MEPE: variants seen among roughly 807,000 people sequenced by gnomAD.
MEPE encodes the protein matrix extracellular phosphoglycoprotein.
In MEPE, 7 loss-of-function variants were observed where a neutral mutation model predicts 7.3. The ratio of observed to expected loss-of-function variants is 0.95; its 90% CI spans 0.54 to 1.79. MEPE has a LOEUF of 1.79. MEPE is among the 40% of genes most tolerant of loss of function. The pLI is 0.00. For synonymous variants in MEPE, 214 were observed against 213.1 expected (o/e 1.00, Z -0.04); for missense variants, 623 against 628.2 (o/e 0.99, Z 0.09).
rs747338291 is a variant in MEPE, at chr4:87,845,129, A to G, written c.261A>G (p.Gln87=). 25 of 1,613,782 alleles carry G rather than the reference A, an allele frequency of 1.5e-5. No individual in the cohort carries two copies. In the East Asian group the frequency reaches 5.3e-4, roughly 35 times the overall value. The change falls in exon 4 of 4, where the codon CAA becomes CAG. Residue 87 remains glutamine, a synonymous_variant. Coordinates refer to ENST00000361056, the MANE Select transcript of MEPE (RefSeq NM_020203.6). ...ASENKGSSKS[Q]NYFTNRQRLN... ...AGAATAAGGGAAGTAGTAAATCTCA[A>G]AATTATTTCACAAATAGACAGAGAC... is the stretch of plus-strand genomic sequence containing the variant.
intron 1 of MEPE, among the ~76,000 whole-genome samples, chr4:87,825,791 T>C (rs564736080): frequency 6.8e-4 from 104 of 152,302 alleles, no homozygotes; most frequent in African/African-American, 2.1e-3. Flanking sequence ...GCACAGTACC[T>C]CCTATCGCCT....
intron 2 of MEPE, among the ~76,000 whole-genome samples, chr4:87,836,574 A>G (rs750920863): frequency 7.9e-5 from 12 of 152,206 alleles, no homozygotes; most frequent in Admixed American, 4.6e-4. Flanking sequence ...GAAGAGTGAT[A>G]TAATTGTCCA....
chr4:87,845,258 T>A lies in MEPE; in HGVS notation c.390T>A (p.Asp130Glu). 1 of 1,614,026 alleles carries A rather than the reference T, an allele frequency of 6.2e-7. No individual in the cohort carries two copies. Among genetic ancestry groups the A allele is most frequent in the African/African-American group, 1.3e-5 (1 of 75,012 alleles). ...STGNKGFEDG[D>E]DAISKLHDQE... ...GGAATAAAGGGTTTGAGGATGGAGA[T>A]GATGCTATCAGCAAACTACATGACC... is the stretch of plus-strand genomic sequence containing the variant. The change falls in exon 4 of 4, where the codon GAT becomes GAA. Residue 130 changes from aspartate to glutamate, a missense_variant. By Grantham distance (45) the Asp-to-Glu change is conservative (BLOSUM62 2). Transcript: ENST00000361056.
Position 87,846,581 on chromosome 4 carries a change from T to C in MEPE, c.*135T>C. On this transcript the variant is annotated 3_prime_UTR_variant, in exon 4 of 4. Transcript: ENST00000361056. ...GAACTGAGTGAGCCAAGAATCCTGG[T>C]CTCCTTGGGGGAATTTTTGCTATCT... is the stretch of plus-strand genomic sequence containing the variant. 1 of 983,824 alleles carries C rather than the reference T, an allele frequency of 1.0e-6. No homozygotes were observed. The highest frequency in any genetic ancestry group is 2.4e-5 in the East Asian group (1 of 40,870). The allele number at this position is 983,824 out of a possible 1,614,324, so 60.9% of individuals were successfully genotyped here.
chr4:87,829,846 T>A (rs1269434597), upstream of MEPE, among the ~76,000 whole-genome samples: 1 of 150,364 alleles, frequency 6.7e-6, no homozygotes, highest in Non-Finnish European at 1.5e-5. Context: ...TGTTAGCTCC[T>A]TTCTATATCA....
At position 87,846,219 on chromosome 4, in the gene MEPE, A is replaced by C. The variant is rs1410729161; in HGVS notation, c.1351A>C (p.Met451Leu). The C allele has an allele frequency of 6.2e-7, 1 of 1,614,052 alleles. No individual in the cohort carries two copies. Among genetic ancestry groups the C allele is most frequent in the East Asian group, 2.2e-5 (1 of 44,878 alleles). Residue 451 changes from methionine to leucine, a missense_variant, in exon 4 of 4, where the codon ATG (methionine) becomes CTG (leucine). Physicochemically the swap from Met to Leu is conservative, Grantham distance 15. Coordinates refer to ENST00000361056, the MANE Select transcript of MEPE (RefSeq NM_020203.6). ...RGLDNEIKNE[M>L]DSFNGPSHEN... ...TCTTGATAATGAAATCAAAAACGAA[A>C]TGGATTCCTTTAATGGCCCCAGTCA...
chr4:87,845,387 T>C lies in MEPE; in HGVS notation c.519T>C (p.Pro173=). 6.2e-7 allele frequency: 1 copy of C among 1,613,952 alleles called. No homozygotes were observed. Among genetic ancestry groups the C allele is most frequent in the Non-Finnish European group, 8.5e-7 (1 of 1,179,930 alleles). Residue 173 remains proline, a synonymous_variant, in exon 4 of 4, where the codon CCT becomes CCC. Transcript: ENST00000361056. The stretch of plus-strand genomic sequence containing the variant: ...GGGAAGAAAACAAAGAGAACACACC[T>C]AGGAATGTTCTAAACATAATCCCAG... ...LLGEENKENT[P]RNVLNIIPAS... is the part of the protein sequence containing the mutation.
At chr4:87,825,484 C>T (rs1722441264) in intron 1 of MEPE, among the ~76,000 whole-genome samples, 1 of 152,162 alleles carries the variant, frequency 6.6e-6, no homozygotes, top group Non-Finnish European at 1.5e-5. Context: ...AGCTATTCTG[C>T]AATGTGAGGC....
chr4:87,830,978 T>C (rs182046934), upstream of MEPE, among the ~76,000 whole-genome samples: 1 of 152,248 alleles, frequency 6.6e-6, no homozygotes, highest in Non-Finnish European at 1.5e-5. Context: ...AATCTTATTA[T>C]ATATCATTTG....
Position 87,845,432 on chromosome 4 carries a change from A to G in MEPE, c.564A>G (p.Lys188=). ...TCCCAGCAAGTATGAATTATGCTAA[A>G]GCACACTCGAAGGATAAAAAGAAGC... The part of the protein sequence containing the change: ...NIIPASMNYA[K]AHSKDKKKPQ... Residue 188 remains lysine, a synonymous_variant, in exon 4 of 4, where the codon AAA becomes AAG. Coordinates refer to ENST00000361056, the MANE Select transcript of MEPE (RefSeq NM_020203.6). 1 of 1,614,046 alleles carries G rather than the reference A, an allele frequency of 6.2e-7. No individual in the cohort carries two copies. The highest frequency in any genetic ancestry group is 8.5e-7 in the Non-Finnish European group (1 of 1,179,976).
chr4:87,834,651 G>A, intron 1 of MEPE, 52 bp from the exon 2 acceptor site: 3 of 1,387,922 alleles, frequency 2.2e-6, no homozygotes, highest in Non-Finnish European at 2.0e-6. Context: ...TCTTATGGCT[G>A]CAGTTTATAA....
Position 87,846,280 on chromosome 4 carries a change from A to T in MEPE, c.1412A>T (p.Tyr471Phe), listed in dbSNP as rs149174816. 1 of 1,614,088 alleles carries T rather than the reference A, an allele frequency of 6.2e-7. No homozygotes were observed. Among genetic ancestry groups the T allele is most frequent in the Non-Finnish European group, 8.5e-7 (1 of 1,179,974 alleles). ...NIITHGRKYHYVPHRQNNSTR... is the reference protein window; with the variant it reads ...NIITHGRKYHFVPHRQNNSTR... The stretch of plus-strand genomic sequence containing the variant: ...ATAACACATGGCAGAAAATATCATT[A>T]TGTACCCCACAGACAAAATAATTCT... The change falls in exon 4 of 4, where the codon TAT becomes TTT. Residue 471 changes from tyrosine (Y) to phenylalanine (F), a missense_variant. By Grantham distance (22) the Tyr-to-Phe change is conservative. Transcript: ENST00000361056.
intron 3 of MEPE, chr4:87,839,708 G>A (rs962487998): frequency 1.3e-6 from 2 of 1,549,820 alleles, no homozygotes; most frequent in African/African-American, 1.4e-5. Flanking sequence ...GTCACTATGA[G>A]AAACATGGGC....
chr4:87,826,352 A>G (rs1422846564), intron 1 of MEPE, among the ~76,000 whole-genome samples: 1 of 151,238 alleles, frequency 6.6e-6, no homozygotes, highest in Non-Finnish European at 1.5e-5. Context: ...CCAAGTAGCT[A>G]GGACTGCAGG....
chr4:87,826,478 A>C (rs1354490183), intron 1 of MEPE, among the ~76,000 whole-genome samples: 4 of 151,036 alleles, frequency 2.6e-5, no homozygotes, highest in Admixed American at 6.6e-5. Flanking sequence ...TGACCTCGTG[A>C]TCTGCTACAT....
intron 3 of MEPE, chr4:87,839,977 T>A (rs1178324222): frequency 5.9e-6 from 9 of 1,535,398 alleles, no homozygotes; most frequent in Non-Finnish European, 4.4e-6. Flanking sequence ...ATCTTCCTGA[T>A]CCCCATCCCA....
intron 1 of MEPE, among the ~76,000 whole-genome samples, chr4:87,826,688 C>T (rs188053052): frequency 5.3e-5 from 8 of 152,050 alleles, no homozygotes; most frequent in Admixed American, 3.9e-4. Context: ...GTAATTGTGA[C>T]GTGTGAGATG....
At chr4:87,839,943 T>C in intron 3 of MEPE, 2 of 1,535,976 alleles carry the variant, frequency 1.3e-6, no homozygotes, top group Non-Finnish European at 1.7e-6. Flanking sequence ...CAAGCCTCTC[T>C]ACTACAAAAC....
chr4:87,842,661 C>T (rs748847287), intron 3 of MEPE, among the ~76,000 whole-genome samples: 7 of 152,020 alleles, frequency 4.6e-5, no homozygotes, highest in Non-Finnish European at 1.0e-4. Flanking sequence ...AAGCAGCCAG[C>T]GAGTTCGAAG....
Sources: gnomAD v4.1 joint callset for allele counts (sites outside exome capture counted in the v4.1 genomes callset) on GRCh38, gnomAD v4.1.1 for gene constraint, MANE v1.5 for transcripts, NCBI Gene and HGNC (gene_info 2026-07-23, HGNC 2026-07-21) for gene names.